SLC35A1: variants seen among roughly 807,000 people sequenced by gnomAD.
SLC35A1 encodes solute carrier family 35 member A1.
SLC35A1 carries 21 observed loss-of-function variants against 40.3 expected under a neutral mutation model. That is an observed-to-expected ratio of 0.52 (90% CI 0.37 to 0.75). SLC35A1 has a LOEUF of 0.75. Among genes scored for constraint, SLC35A1 ranks in the 30% least tolerant of loss-of-function variants. SLC35A1 has a pLI of 0.00. For missense variants in SLC35A1, 297 were observed against 382.1 expected (o/e 0.78, Z 1.86); for synonymous variants, 146 against 147.3 (o/e 0.99, Z 0.06).
At chr6:87,476,205 G>T (rs1056045241) in intron 1 of SLC35A1, among the ~76,000 whole-genome samples, 1 of 152,208 alleles carries the variant, frequency 6.6e-6, no homozygotes, top group Non-Finnish European at 1.5e-5. Flanking sequence ...TAGTTTTATA[G>T]AGGTGTGTTC....
chr6:87,511,253 A>AAT (rs1770260186), intron 7 of SLC35A1, 146 bp from the exon 8 acceptor site: 2 of 833,504 alleles, frequency 2.4e-6, no homozygotes, highest in Non-Finnish European at 3.8e-6. Flanking sequence ...TTTGGCTGTA[A>AAT]TGGAAGACCT....
intron 2 of SLC35A1, among the ~76,000 whole-genome samples, chr6:87,480,181 G>C (rs963871789): frequency 2.6e-5 from 4 of 152,246 alleles, no homozygotes; most frequent in Non-Finnish European, 5.9e-5. Context: ...CGTGTCGTTA[G>C]AGACACGAGG....
At chr6:87,499,616 G>C (rs1435137106) in intron 2 of SLC35A1, among the ~76,000 whole-genome samples, 1 of 152,098 alleles carries the variant, frequency 6.6e-6, no homozygotes, top group Non-Finnish European at 1.5e-5. Flanking sequence ...GTTTACTTTT[G>C]TTGGAGTTAG....
rs58785365 is a variant in SLC35A1 at position 87,473,325 on chromosome 6, G to C, written c.16+306G>C. On this transcript the variant is annotated intron_variant, in intron 1 of 7. Transcript: ENST00000369552. ...GACAGGCCGGGGCTGCGGCGGACCC[G>C]GAGAGAGGCCAGGGCGTGGGTCCGG... Among the ~76,000 whole-genome samples, 57,391 of 151,930 alleles carry C rather than the reference G, an allele frequency of 0.38. 10,917 individuals carry two copies. Among genetic ancestry groups the C allele is most frequent in the Admixed American group, 0.46 (7,029 of 15,280 alleles).
At chr6:87,511,058 T>C (rs1770251235) in intron 7 of SLC35A1, among the ~76,000 whole-genome samples, 1 of 152,112 alleles carries the variant, frequency 6.6e-6, no homozygotes, top group Non-Finnish European at 1.5e-5. Context: ...TTTTCTTTTG[T>C]ACTTATATAT....
At chr6:87,489,155 T>A (rs1184327520) in intron 2 of SLC35A1, among the ~76,000 whole-genome samples, 1 of 152,212 alleles carries the variant, frequency 6.6e-6, no homozygotes, top group Non-Finnish European at 1.5e-5. Flanking sequence ...TTCCAAATAT[T>A]TTCTTTGTCC....
chr6:87,503,251 T>C (rs550201681), intron 4 of SLC35A1, among the ~76,000 whole-genome samples: 1 of 152,286 alleles, frequency 6.6e-6, no homozygotes, highest in African/African-American at 2.4e-5. Flanking sequence ...TGGCTTGAGG[T>C]TGCAGTCAAG....
chr6:87,497,196 G>T (rs201283790), intron 2 of SLC35A1, among the ~76,000 whole-genome samples: 1 of 150,526 alleles, frequency 6.6e-6, no homozygotes, highest in African/African-American at 2.4e-5. Flanking sequence ...AGCATCCTCT[G>T]TTTTTTTTTG....
chr6:87,495,915 A>G (rs561632738), intron 2 of SLC35A1, among the ~76,000 whole-genome samples: 9 of 152,290 alleles, frequency 5.9e-5, no homozygotes, highest in African/African-American at 2.2e-4. Flanking sequence ...TCAACCTCCC[A>G]GAGTGCTGGG....
chr6:87,502,768 C>T (rs1769958781), intron 4 of SLC35A1, among the ~76,000 whole-genome samples: 1 of 152,108 alleles, frequency 6.6e-6, no homozygotes, highest in Non-Finnish European at 1.5e-5. Context: ...AACTGTGTCA[C>T]CCAAATAGTT....
Position 87,511,421 on chromosome 6 carries a change from T to C in SLC35A1, c.909T>C (p.Thr303=), listed in dbSNP as rs199659734. Reference sequence around the variant, plus strand: ...CAGCACTCACCTTTGCCCTGGGTACTCTTCTTGTATGTGTTTCCATATATC... The same window carrying C: ...CAGCACTCACCTTTGCCCTGGGTACCCTTCTTGTATGTGTTTCCATATATC... ...LQITLTFALG[T]LLVCVSIYLY... is the part of the protein sequence containing the mutation. The change falls in exon 8 of 8, where the codon ACT becomes ACC. Residue 303 remains threonine, a synonymous_variant. Transcript: ENST00000369552. 155 of 1,613,764 alleles carry C rather than the reference T, an allele frequency of 9.6e-5. No homozygotes were observed. Among genetic ancestry groups the C allele is most frequent in the Non-Finnish European group, 1.2e-4 (141 of 1,179,820 alleles).
At chr6:87,478,164 C>T (rs7760840) in intron 2 of SLC35A1, among the ~76,000 whole-genome samples, 9,088 of 152,112 alleles carry the variant, frequency 0.06, 335 homozygotes, top group African/African-American at 0.1. Context: ...GTGGCAGCAC[C>T]GGGCTTTGAA....
intron 2 of SLC35A1, among the ~76,000 whole-genome samples, chr6:87,479,128 G>A (rs977692432): frequency 6.6e-6 from 1 of 152,218 alleles, no homozygotes; most frequent in Admixed American, 6.5e-5. Flanking sequence ...AGAAGGCAAA[G>A]AATTGAACAT....
intron 2 of SLC35A1, among the ~76,000 whole-genome samples, chr6:87,493,363 G>A (rs1260331650): frequency 2.6e-5 from 4 of 151,870 alleles, no homozygotes; most frequent in Non-Finnish European, 5.9e-5. Context: ...TAGGCATTTG[G>A]TATACACATT....
intron 2 of SLC35A1, among the ~76,000 whole-genome samples, chr6:87,491,315 A>C (rs1013632030): frequency 6.6e-6 from 1 of 152,184 alleles, no homozygotes; most frequent in Non-Finnish European, 1.5e-5. Flanking sequence ...GATTTGGGCT[A>C]CTCAACCTTT....
intron 4 of SLC35A1, among the ~76,000 whole-genome samples, chr6:87,501,767 C>T (rs773581277): frequency 7.9e-5 from 12 of 152,204 alleles, no homozygotes; most frequent in Non-Finnish European, 1.2e-4. Flanking sequence ...GTCTCTGGCA[C>T]ATCTCCCTAC....
intron 2 of SLC35A1, among the ~76,000 whole-genome samples, chr6:87,497,185 T>C (rs774877515): frequency 3.7e-5 from 4 of 108,646 alleles, no homozygotes; most frequent in Non-Finnish European, 7.3e-5. Context: ...CTAGTTCTTT[T>C]AGCATCCTCT....
chr6:87,511,232 CT>C (rs1264637148), intron 7 of SLC35A1, among the ~76,000 whole-genome samples, 166 bp from the exon 8 acceptor site: 1 of 152,060 alleles, frequency 6.6e-6, no homozygotes, highest in Non-Finnish European at 1.5e-5. Context: ...CTGCCTCCCC[CT>C]CTCCTTTTTT....
At chr6:87,481,082 A>T (rs994392841) in intron 2 of SLC35A1, among the ~76,000 whole-genome samples, 1 of 152,310 alleles carries the variant, frequency 6.6e-6, no homozygotes, top group South Asian at 2.1e-4. Flanking sequence ...AAGATAAACC[A>T]AGTATATAAT....
Sources: allele counts gnomAD v4.1 joint callset (sites outside exome capture counted in the v4.1 genomes callset), GRCh38; gene constraint gnomAD v4.1.1; transcripts MANE v1.5; gene names NCBI Gene and HGNC (gene_info 2026-07-23, HGNC 2026-07-21).